Variants in SMYD4 observed in about 807,000 individuals in gnomAD.
SMYD4 encodes the protein protein-lysine N-methyltransferase SMYD4.
In SMYD4, 68 loss-of-function variants were observed where a neutral mutation model predicts 72.8. The ratio of observed to expected loss-of-function variants is 0.93; its 90% CI spans 0.77 to 1.14. SMYD4 has a LOEUF of 1.14. Ranked by LOEUF, SMYD4 falls within the 50% of genes most tolerant of loss-of-function variation. The pLI, the probability that SMYD4 is intolerant of heterozygous loss-of-function variation, is 0.00. For missense variants in SMYD4, 984 were observed against 1,003.7 expected (o/e 0.98, Z 0.27); for synonymous variants, 407 against 388.6 (o/e 1.05, Z -0.56).
chr17:1,795,749 T>TTG (rs1448976432), intron 5 of SMYD4, among the ~76,000 whole-genome samples: 38 of 145,976 alleles, frequency 2.6e-4, no homozygotes, highest in Non-Finnish European at 2.1e-4. Flanking sequence ...GCCCGTGAGT[T>TTG]TTTTTTTTTT....
chr17:1,828,816 C>G (rs970471006), intron 1 of SMYD4, among the ~76,000 whole-genome samples: 1 of 152,010 alleles, frequency 6.6e-6, no homozygotes, highest in Non-Finnish European at 1.5e-5. Context: ...AGGCTGGTCT[C>G]GAACTCCTGA....
chr17:1,799,750 G>T, intron 5 of SMYD4, 107 bp downstream of exon 5: 1 of 1,081,830 alleles, frequency 9.2e-7, no homozygotes, highest in Non-Finnish European at 1.3e-6. Context: ...GATCCCATTA[G>T]CTCAATGATT....
intron 4 of SMYD4, among the ~76,000 whole-genome samples, chr17:1,802,876 G>A (rs777496046): frequency 3.3e-5 from 5 of 152,184 alleles, no homozygotes; most frequent in Non-Finnish European, 7.3e-5. Flanking sequence ...TGACACGGCT[G>A]GGCGCAGTGG....
intron 2 of SMYD4, among the ~76,000 whole-genome samples, chr17:1,816,673 C>A (rs1304613674): frequency 6.6e-6 from 1 of 151,268 alleles, no homozygotes; most frequent in Non-Finnish European, 1.5e-5. Context: ...GTCGCCCAGG[C>A]TGGAGGGCAG....
intron 5 of SMYD4, among the ~76,000 whole-genome samples, chr17:1,793,065 G>A (rs1199809814): frequency 1.3e-5 from 2 of 151,922 alleles, no homozygotes; most frequent in Admixed American, 6.6e-5. Context: ...CCACAAGCGC[G>A]CACCACCACA....
In SMYD4 at chr17:1,800,962, C is replaced by T; in HGVS notation, c.432G>A (p.Lys144=). 6.2e-7 allele frequency: 1 copy of T among 1,614,104 alleles called. No homozygotes were observed. The highest frequency in any genetic ancestry group is 8.5e-7 in the Non-Finnish European group (1 of 1,179,976). The change falls in exon 5 of 11, where the codon AAG becomes AAA. Residue 144 remains lysine, a synonymous_variant. Coordinates refer to ENST00000305513, the MANE Select transcript of SMYD4 (RefSeq NM_052928.3). ...THGYPERLQP[K]IMLRKAECLV... ...GACATTCTGCTTTACGTAACATAAT[C>T]TTGGGTTGCAACCTTTCTGGATACC...
At chr17:1,807,247 A>G (rs546877457) in intron 3 of SMYD4, among the ~76,000 whole-genome samples, 43 of 152,110 alleles carry the variant, frequency 2.8e-4, no homozygotes, top group African/African-American at 1.0e-3. Flanking sequence ...GGAAACAAGC[A>G]TCGATCCACA....
At chr17:1,807,325 G>T (rs938736702) in intron 3 of SMYD4, among the ~76,000 whole-genome samples, 6 of 150,502 alleles carry the variant, frequency 4.0e-5, no homozygotes, top group Admixed American at 4.0e-4. Context: ...AAAGAATGAG[G>T]ATGCTTTTTT....
intron 5 of SMYD4, among the ~76,000 whole-genome samples, chr17:1,793,591 G>A (rs1276521358): frequency 6.6e-6 from 1 of 151,986 alleles, no homozygotes; most frequent in Non-Finnish European, 1.5e-5. Context: ...ATTGGTCAAA[G>A]CAAGTTACAG....
chr17:1,799,805 C>G, intron 5 of SMYD4, 52 bp downstream of exon 5: 1 of 1,475,384 alleles, frequency 6.8e-7, no homozygotes, highest in Non-Finnish European at 9.0e-7. Context: ...TCTCAAACAC[C>G]TGCTCCATCG....
At chr17:1,792,994 G>A (rs1196942321) in intron 5 of SMYD4, among the ~76,000 whole-genome samples, 5 of 151,832 alleles carry the variant, frequency 3.3e-5, no homozygotes, top group Non-Finnish European at 5.9e-5. Context: ...CTCAGCTCAC[G>A]GCGGCCTCGA....
intron 5 of SMYD4, among the ~76,000 whole-genome samples, chr17:1,790,394 T>C (rs763707796): frequency 3.9e-5 from 6 of 152,218 alleles, no homozygotes; most frequent in Admixed American, 6.5e-5. Context: ...GTAGAGATAA[T>C]AGAAAGTGAG....
intron 5 of SMYD4, among the ~76,000 whole-genome samples, chr17:1,794,069 G>GTATA (rs1567770926): frequency 4.4e-5 from 3 of 67,926 alleles, no homozygotes; most frequent in African/African-American, 7.3e-5. Flanking sequence ...ATATATATGT[G>GTATA]TATATATATG....
chr17:1,797,321 A>G (rs1909456926), intron 5 of SMYD4, among the ~76,000 whole-genome samples: 2 of 152,218 alleles, frequency 1.3e-5, no homozygotes, highest in Admixed American at 1.3e-4. Context: ...GAACGGATTG[A>G]GTCAAAAAAC....
At chr17:1,827,771 T>C (rs889790046) in intron 2 of SMYD4, 90 bp downstream of exon 2, 13 of 1,465,082 alleles carry the variant, frequency 8.9e-6, no homozygotes, top group Middle Eastern at 3.7e-4. Flanking sequence ...TCAATCTTTA[T>C]TTAAGAAAAA....
rs192588284 is a variant in SMYD4 at position 1,801,326 on chromosome 17, C to T, written c.370-302G>A. On this transcript the variant is annotated intron_variant, in intron 4 of 10. Transcript: ENST00000305513. Reference sequence around the variant, plus strand: ...CGACCTTGGCTCACTGCAAGCTCCACCTCCTGGGTTCACGCCATTCTCCTG... The same window carrying T: ...CGACCTTGGCTCACTGCAAGCTCCATCTCCTGGGTTCACGCCATTCTCCTG... 3.1e-3 allele frequency among the ~76,000 whole-genome samples: 466 copies of T among 152,118 alleles called. 1 individual carries two copies. The highest frequency in any genetic ancestry group is 0.011 in the African/African-American group (445 of 41,510).
Position 1,800,291 on chromosome 17 carries a change from G to C in SMYD4, c.1103C>G (p.Thr368Arg), listed in dbSNP as rs747374564. The change falls in exon 5 of 11, where the codon ACG becomes AGG. Residue 368 changes from threonine to arginine, a missense_variant. Coordinates refer to ENST00000305513, the MANE Select transcript of SMYD4 (RefSeq NM_052928.3). ...GTTACTAATCTTATCACAAAGCTTC[G>C]TTATGATTTTGCGAACATCCTCAAA... ...VGFEDVRKII[T>R]KLCDKISNKD... 5.6e-6 allele frequency: 9 copies of C among 1,614,046 alleles called. No homozygotes were observed. In the South Asian group the frequency reaches 7.7e-5, roughly 14 times the overall value.
intron 2 of SMYD4, among the ~76,000 whole-genome samples, chr17:1,814,001 C>G (rs902628897): frequency 7.2e-5 from 11 of 152,038 alleles, no homozygotes; most frequent in Non-Finnish European, 1.5e-4. Context: ...ACTCTTGAAT[C>G]AAAGAAGAAA....
intron 5 of SMYD4, among the ~76,000 whole-genome samples, chr17:1,790,403 A>G (rs1410372829): frequency 6.6e-6 from 1 of 152,218 alleles, no homozygotes; most frequent in African/African-American, 2.4e-5. Context: ...ATAGAAAGTG[A>G]GAATATGTAT....
Sources: allele counts gnomAD v4.1 joint callset (sites outside exome capture counted in the v4.1 genomes callset), GRCh38; gene constraint gnomAD v4.1.1; transcripts MANE v1.5; gene names NCBI Gene and HGNC (gene_info 2026-07-23, HGNC 2026-07-21).